Variants in FAR2 observed in about 807,000 individuals in gnomAD.
FAR2 encodes fatty acyl-CoA reductase 2.
In FAR2, 19 loss-of-function variants were observed where a neutral mutation model predicts 56.0. That is an observed-to-expected ratio of 0.34 (90% CI 0.24 to 0.50). The LOEUF (loss-of-function observed/expected upper bound fraction) is 0.50, where lower values mean the gene tolerates loss of function less well. Ranked by LOEUF, FAR2 falls within the 20% of genes least tolerant of loss-of-function variation. FAR2 has a pLI of 0.98. For missense variants in FAR2, 508 were observed against 642.2 expected (o/e 0.79, Z 2.26); for synonymous variants, 219 against 218.8 (o/e 1.00, Z -0.01).
In FAR2 at chr12:29,327,776, C is replaced by T. The variant is rs752715846; in HGVS notation, c.1258-4824C>T. 5.3e-3 allele frequency among the ~76,000 whole-genome samples: 806 copies of T among 152,218 alleles called. 14 individuals carry two copies. Among genetic ancestry groups the T allele is most frequent in the African/African-American group, 0.018 (743 of 41,538 alleles). Reference sequence around the variant, plus strand: ...ATTCAAGATGGATTAAAGACTTACACGTTAGACCTAAAACCATAAAAACCC... The same window carrying T: ...ATTCAAGATGGATTAAAGACTTACATGTTAGACCTAAAACCATAAAAACCC... On this transcript the variant is annotated intron_variant, in intron 10 of 11. Coordinates refer to ENST00000536681, the MANE Select transcript of FAR2 (RefSeq NM_001271783.2).
At chr12:29,271,722 G>A (rs76294151) in intron 2 of FAR2, among the ~76,000 whole-genome samples, 6,812 of 152,236 alleles carry the variant, frequency 0.045, 507 homozygotes, top group African/African-American at 0.16. Context: ...TCAGCAGTGG[G>A]ACAAAATAAT....
At chr12:29,255,943 C>T (rs1278571761) in intron 1 of FAR2, among the ~76,000 whole-genome samples, 1 of 152,118 alleles carries the variant, frequency 6.6e-6, no homozygotes. Flanking sequence ...AGTCTCAGCT[C>T]ACTTCAACCT....
At chr12:29,213,994 A>C (rs1170129669) in intron 1 of FAR2, among the ~76,000 whole-genome samples, 1 of 152,220 alleles carries the variant, frequency 6.6e-6, no homozygotes, top group Non-Finnish European at 1.5e-5. Flanking sequence ...GTTCCACTCC[A>C]GAGTTACCCC....
At chr12:29,317,670 A>C (rs1449164789) in intron 9 of FAR2, 1 of 152,648 alleles carries the variant, frequency 6.6e-6, no homozygotes, top group Non-Finnish European at 1.5e-5. Flanking sequence ...ATAGGTAGAT[A>C]ATCTTAAATA....
intron 1 of FAR2, among the ~76,000 whole-genome samples, chr12:29,154,569 G>A (rs924191285): frequency 6.6e-6 from 1 of 151,948 alleles, no homozygotes; most frequent in African/African-American, 2.4e-5. Flanking sequence ...TGAGTAGCTG[G>A]GACTATAGGC....
chr12:29,225,372 G>T (rs758079734), intron 1 of FAR2, among the ~76,000 whole-genome samples: 14 of 152,212 alleles, frequency 9.2e-5, no homozygotes, highest in African/African-American at 3.4e-4. Context: ...TTATTGTAAA[G>T]GTTAAATGGG....
At chr12:29,318,898 T>A (rs1446108597) in intron 9 of FAR2, among the ~76,000 whole-genome samples, 1 of 152,154 alleles carries the variant, frequency 6.6e-6, no homozygotes, top group Non-Finnish European at 1.5e-5. Context: ...AGTTTGTGAC[T>A]AGTGCCAGGT....
intron 1 of FAR2, among the ~76,000 whole-genome samples, chr12:29,163,813 G>A (rs941697840): frequency 5.3e-5 from 8 of 152,318 alleles, no homozygotes; most frequent in African/African-American, 1.2e-4. Flanking sequence ...TTTCAGTGTG[G>A]TAGAGAGGCA....
rs771863489 is a variant in FAR2, at chr12:29,307,620, A to C, written c.546-38A>C. On this transcript the variant is annotated intron_variant, in intron 4 of 11. Coordinates refer to ENST00000536681, the MANE Select transcript of FAR2 (RefSeq NM_001271783.2). ...CATTTTCCTTTTGGTTTATTGTCTA[A>C]CATATGTTACTAGAATTCTCTTTAC... 31 of 1,555,372 alleles carry C rather than the reference A, an allele frequency of 2.0e-5. No individual in the cohort carries two copies. The East Asian group carries it at 5.7e-4, about 29-fold the overall frequency.
chr12:29,229,822 A>C (rs1421153584), intron 1 of FAR2, among the ~76,000 whole-genome samples: 2 of 152,210 alleles, frequency 1.3e-5, no homozygotes, highest in African/African-American at 2.4e-5. Context: ...GATTAGACAG[A>C]ATACTGAAGG....
At chr12:29,217,685 A>G (rs894828505) in intron 1 of FAR2, among the ~76,000 whole-genome samples, 2 of 152,236 alleles carry the variant, frequency 1.3e-5, no homozygotes, top group Non-Finnish European at 2.9e-5. Flanking sequence ...GCTGTCTAAC[A>G]GAGAAAACAG....
chr12:29,263,275 T>C (rs1319627149), intron 1 of FAR2, among the ~76,000 whole-genome samples: 1 of 152,182 alleles, frequency 6.6e-6, no homozygotes, highest in Non-Finnish European at 1.5e-5. Context: ...ACATTGAACT[T>C]AATCTGCACT....
intron 8 of FAR2, among the ~76,000 whole-genome samples, chr12:29,316,093 A>C (rs1206173471): frequency 6.6e-6 from 1 of 152,192 alleles, no homozygotes; most frequent in Non-Finnish European, 1.5e-5. Context: ...GGCAATAATC[A>C]TATTACCATA....
intron 11 of FAR2, chr12:29,333,276 G>A: frequency 4.0e-6 from 1 of 247,094 alleles, no homozygotes; most frequent in Non-Finnish European, 7.9e-6. Context: ...GAGGAACCTT[G>A]AATAGCAAGC....
At chr12:29,162,673 G>C (rs1173006981) in intron 1 of FAR2, among the ~76,000 whole-genome samples, 1 of 152,134 alleles carries the variant, frequency 6.6e-6, no homozygotes, top group Non-Finnish European at 1.5e-5. Context: ...GAAAGGTCTT[G>C]ACCAAACATT....
At chr12:29,291,718 G>A (rs913843730) in intron 2 of FAR2, among the ~76,000 whole-genome samples, 3 of 152,204 alleles carry the variant, frequency 2.0e-5, no homozygotes, top group Admixed American at 2.0e-4. Flanking sequence ...CCACTGACCT[G>A]TTGGATTCCA....
chr12:29,264,216 A>C (rs1948473588), intron 1 of FAR2, among the ~76,000 whole-genome samples: 1 of 152,210 alleles, frequency 6.6e-6, no homozygotes, highest in African/African-American at 2.4e-5. Context: ...AATGAAGGAC[A>C]AAAACCATAT....
intron 1 of FAR2, among the ~76,000 whole-genome samples, chr12:29,205,818 C>T (rs1442956376): frequency 3.4e-5 from 5 of 145,534 alleles, no homozygotes; most frequent in Non-Finnish European, 7.6e-5. Context: ...TTAAAGAGGT[C>T]CGGAACTTAT....
chr12:29,222,855 T>C (rs755005899), intron 1 of FAR2, among the ~76,000 whole-genome samples: 3 of 152,150 alleles, frequency 2.0e-5, no homozygotes, highest in Non-Finnish European at 4.4e-5. Flanking sequence ...ACCTGGAAAA[T>C]AAGCTCCATC....
Sources: gnomAD v4.1 joint callset for allele counts (sites outside exome capture counted in the v4.1 genomes callset) on GRCh38, gnomAD v4.1.1 for gene constraint, MANE v1.5 for transcripts, NCBI Gene and HGNC (gene_info 2026-07-23, HGNC 2026-07-21) for gene names.